CDH4: variants seen among roughly 807,000 people sequenced by gnomAD.
CDH4 encodes cadherin-4.
In CDH4, 33 loss-of-function variants were observed where a neutral mutation model predicts 86.0. That is an observed-to-expected ratio of 0.38 (90% CI 0.29 to 0.51). The LOEUF (loss-of-function observed/expected upper bound fraction) is 0.51. CDH4 is among the 20% of genes least tolerant of loss of function. The probability of loss-of-function intolerance (pLI) is 0.86; values close to 1 mark genes in which losing one functional copy is unlikely to be tolerated. For synonymous variants in CDH4, 555 were observed against 549.4 expected, an observed-to-expected ratio of 1.01 and a Z score of -0.14; for missense variants, 1,114 against 1,307.4, an observed-to-expected ratio of 0.85 and a Z score of 2.28.
intron 2 of CDH4, among the ~76,000 whole-genome samples, chr20:61,262,094 G>A (rs952386123): frequency 3.9e-5 from 6 of 152,172 alleles, no homozygotes; most frequent in East Asian, 1.9e-4. Flanking sequence ...GTTTATGCAC[G>A]GATCCATTGT....
intron 2 of CDH4, among the ~76,000 whole-genome samples, chr20:61,348,811 C>A (rs1279128310): frequency 6.6e-6 from 1 of 152,154 alleles, no homozygotes; most frequent in African/African-American, 2.4e-5. Context: ...CTGATGGCCG[C>A]CAGTAACTGT....
At chr20:61,325,730 A>G (rs1031976730) in intron 2 of CDH4, among the ~76,000 whole-genome samples, 8 of 152,158 alleles carry the variant, frequency 5.3e-5, no homozygotes, top group African/African-American at 1.9e-4. Flanking sequence ...TTATAGGTTT[A>G]ATTTTAAAAA....
chr20:61,570,649 A>G (rs774565077), intron 2 of CDH4: 16 of 702,304 alleles, frequency 2.3e-5, no homozygotes, highest in African/African-American at 5.2e-5. Context: ...GTTTTTCACA[A>G]TGGTATTGGG....
intron 2 of CDH4, among the ~76,000 whole-genome samples, chr20:61,468,843 C>T (rs1189635865): frequency 6.6e-6 from 1 of 152,174 alleles, no homozygotes; most frequent in Non-Finnish European, 1.5e-5. Flanking sequence ...TTTCACTTAA[C>T]ATAATGATCT....
intron 2 of CDH4, among the ~76,000 whole-genome samples, chr20:61,575,303 G>C (rs1363625082): frequency 4.6e-5 from 7 of 152,204 alleles, no homozygotes; most frequent in Non-Finnish European, 1.5e-5. Flanking sequence ...TGAGGAGAAA[G>C]GAGAGAGGTT....
intron 4 of CDH4, among the ~76,000 whole-genome samples, chr20:61,797,683 A>T (rs951963254): frequency 4.6e-5 from 7 of 152,190 alleles, no homozygotes. Flanking sequence ...GCTCCTCGGG[A>T]GGCTGAGGCA....
At chr20:61,696,295 C>T (rs1006427757) in intron 2 of CDH4, among the ~76,000 whole-genome samples, 2 of 152,250 alleles carry the variant, frequency 1.3e-5, no homozygotes, top group African/African-American at 4.8e-5. Flanking sequence ...CAGGGCTGAG[C>T]CAGGGGCAGG....
chr20:61,469,552 C>T (rs1224205888), intron 2 of CDH4, among the ~76,000 whole-genome samples: 1 of 152,100 alleles, frequency 6.6e-6, no homozygotes. Context: ...TGTGTGGAAG[C>T]TTTTTAACTT....
At chr20:61,636,248 A>G (rs1050611536) in intron 2 of CDH4, among the ~76,000 whole-genome samples, 1 of 152,184 alleles carries the variant, frequency 6.6e-6, no homozygotes. Context: ...CATGAATCGC[A>G]TAAGAAAAAG....
chr20:61,419,819 C>T (rs2085167402), intron 2 of CDH4, among the ~76,000 whole-genome samples: 1 of 152,234 alleles, frequency 6.6e-6, no homozygotes. Context: ...CCGTGGCTGG[C>T]ACATCCCCCT....
intron 2 of CDH4, among the ~76,000 whole-genome samples, chr20:61,741,959 T>C (rs1262328878): frequency 2.6e-5 from 4 of 152,224 alleles, no homozygotes; most frequent in African/African-American, 4.8e-5. Context: ...AAGGGGCTTG[T>C]TTGTGTGTTT....
At chr20:61,693,702 C>T (rs533611606) in intron 2 of CDH4, among the ~76,000 whole-genome samples, 346 of 152,300 alleles carry the variant, frequency 2.3e-3, no homozygotes, top group Non-Finnish European at 4.4e-3. Flanking sequence ...GTCTCATCCA[C>T]CTGGGCATCC....
intron 2 of CDH4, among the ~76,000 whole-genome samples, chr20:61,579,569 G>A (rs56261782): frequency 0.085 from 12,947 of 152,080 alleles, 1,530 homozygotes; most frequent in African/African-American, 0.26. Context: ...TTACAGGTGT[G>A]AGCCACTGCA....
chr20:61,418,047 T>C (rs947751594), intron 2 of CDH4, among the ~76,000 whole-genome samples: 2 of 152,052 alleles, frequency 1.3e-5, no homozygotes, highest in Non-Finnish European at 2.9e-5. Flanking sequence ...CTTTGCTCTT[T>C]TGCTGTTAAA....
At chr20:61,585,937 TGA>T (rs1019565609) in intron 2 of CDH4, among the ~76,000 whole-genome samples, 3 of 148,840 alleles carry the variant, frequency 2.0e-5, no homozygotes, top group Non-Finnish European at 4.4e-5. Flanking sequence ...GTGATGGTGA[TGA>T]GGTGGTGATG....
At chr20:61,494,764 G>A (rs552117919) in intron 2 of CDH4, among the ~76,000 whole-genome samples, 16 of 152,326 alleles carry the variant, frequency 1.1e-4, no homozygotes, top group Admixed American at 4.6e-4. Flanking sequence ...GAAAACTGGC[G>A]TTATTTGCTA....
intron 2 of CDH4, among the ~76,000 whole-genome samples, chr20:61,449,763 T>C (rs1004114432): frequency 2.0e-5 from 3 of 152,244 alleles, no homozygotes; most frequent in Non-Finnish European, 4.4e-5. Flanking sequence ...CAAATACTTT[T>C]GGTTTTCTCC....
intron 9 of CDH4, among the ~76,000 whole-genome samples, chr20:61,917,566 G>C (rs919338840): frequency 6.6e-6 from 1 of 152,246 alleles, no homozygotes; most frequent in Non-Finnish European, 1.5e-5. Context: ...CAGGGGCGCA[G>C]AGTGAGACTT....
intron 2 of CDH4, among the ~76,000 whole-genome samples, chr20:61,513,936 C>T (rs2085798411): frequency 6.6e-6 from 1 of 152,136 alleles, no homozygotes; most frequent in South Asian, 2.1e-4. Flanking sequence ...AGTTTCACAG[C>T]GGGAGAAAGG....
Sources: gnomAD v4.1 joint callset for allele counts (sites outside exome capture counted in the v4.1 genomes callset) on GRCh38, gnomAD v4.1.1 for gene constraint, MANE v1.5 for transcripts, NCBI Gene and HGNC (gene_info 2026-07-23, HGNC 2026-07-21) for gene names.